Variants in ITGAL observed in about 807,000 individuals in gnomAD.
ITGAL encodes the protein integrin subunit alpha L.
Under a neutral mutation model 138.4 loss-of-function variants are expected in ITGAL, and 68 were observed. The observed-to-expected ratio is 0.49, with a 90% CI of 0.40 to 0.60. The LOEUF (loss-of-function observed/expected upper bound fraction) is 0.60. Among genes scored for constraint, ITGAL ranks in the 20% least tolerant of loss-of-function variants. The pLI is 0.00. For missense variants in ITGAL, 1,256 were observed against 1,478.6 expected, an observed-to-expected ratio of 0.85 and a Z score of 2.47; for synonymous variants, 561 against 584.3, an observed-to-expected ratio of 0.96 and a Z score of 0.57.
At chr16:30,512,916 G>T (rs1439166760) in intron 24 of ITGAL, among the ~76,000 whole-genome samples, 2 of 152,136 alleles carry the variant, frequency 1.3e-5, no homozygotes, top group Non-Finnish European at 2.9e-5. Flanking sequence ...GGCCAGGCAG[G>T]TCTTAAACTC....
intron 6 of ITGAL, among the ~76,000 whole-genome samples, chr16:30,480,007 C>T (rs1236174092): frequency 6.6e-6 from 1 of 151,816 alleles, no homozygotes; most frequent in Non-Finnish European, 1.5e-5. Context: ...CATGGTGGCA[C>T]GATCATAGCT....
intron 24 of ITGAL, among the ~76,000 whole-genome samples, chr16:30,513,133 G>A (rs1054656419): frequency 6.6e-6 from 1 of 152,226 alleles, no homozygotes; most frequent in African/African-American, 2.4e-5. Flanking sequence ...GGGTCTGGAG[G>A]ATGAGGCCAT....
chr16:30,484,182 G>A lies in ITGAL; in HGVS notation c.925G>A (p.Glu309Lys), dbSNP rs1018674527. 6 of 1,614,120 alleles carry A rather than the reference G, an allele frequency of 3.7e-6. No individual in the cohort carries two copies. The highest frequency in any genetic ancestry group is 1.3e-5 in the African/African-American group (1 of 75,022). Residue 309 changes from glutamate (E) to lysine (K), a missense_variant, in exon 9 of 31, where the codon GAG becomes AAG. By Grantham distance (56) the Glu-to-Lys change is moderately conservative. Coordinates refer to ENST00000356798, the MANE Select transcript of ITGAL (RefSeq NM_002209.3). ...CAAATTTGCATCAAAACCCGCGAGC[G>A]AGTTTGTGAAAATTCTGGACACATT... ...LHKFASKPASEFVKILDTFEK... is the reference protein window; with the variant it reads ...LHKFASKPASKFVKILDTFEK...
At chr16:30,479,494 G>C in intron 6 of ITGAL, 33 bp downstream of exon 6, 3 of 1,601,464 alleles carry the variant, frequency 1.9e-6, no homozygotes, top group Non-Finnish European at 2.6e-6. Context: ...TTGGTTGCAT[G>C]CAATAGATGC....
intron 6 of ITGAL, 94 bp from the exon 7 acceptor site, chr16:30,481,345 T>G (rs1187893349): frequency 6.7e-6 from 3 of 448,930 alleles, no homozygotes; most frequent in Non-Finnish European, 7.0e-6. Flanking sequence ...AAACTCCATC[T>G]AAAAAAAAAA....
chr16:30,476,173 C>A (rs961827941), intron 4 of ITGAL, among the ~76,000 whole-genome samples: 1 of 151,920 alleles, frequency 6.6e-6, no homozygotes, highest in Non-Finnish European at 1.5e-5. Flanking sequence ...ATGGTGTGAA[C>A]CCGGGAGGCG....
chr16:30,501,629 T>G (rs1225896199), intron 17 of ITGAL, among the ~76,000 whole-genome samples: 3 of 151,710 alleles, frequency 2.0e-5, no homozygotes, highest in Non-Finnish European at 4.4e-5. Flanking sequence ...TATTCAATCA[T>G]CATGGTATGT....
At chr16:30,500,419 T>G (rs4889496) in intron 17 of ITGAL, among the ~76,000 whole-genome samples, 89,355 of 151,634 alleles carry the variant, frequency 0.59, 27,164 homozygotes, top group East Asian at 0.99. Flanking sequence ...GGGTCTTACT[T>G]TGTTGCCCAG....
At chr16:30,491,155 C>T (rs917592113) in intron 11 of ITGAL, among the ~76,000 whole-genome samples, 2 of 151,466 alleles carry the variant, frequency 1.3e-5, no homozygotes, top group East Asian at 2.0e-4. Context: ...AATCCCAGCA[C>T]TTTGGGAAGC....
intron 13 of ITGAL, among the ~76,000 whole-genome samples, chr16:30,495,475 T>C (rs142469663): frequency 1.6e-3 from 239 of 152,210 alleles, no homozygotes; most frequent in African/African-American, 5.4e-3. Flanking sequence ...GCCAAACTTT[T>C]TATAGATATG....
Position 30,521,776 on chromosome 16 carries a change from C to A in ITGAL, c.*111C>A. The A allele has an allele frequency of 9.5e-7, 1 of 1,049,014 alleles. No individual in the cohort carries two copies. Among genetic ancestry groups the A allele is most frequent in the Non-Finnish European group, 1.4e-6 (1 of 733,180 alleles). 65.0% of individuals were successfully genotyped at this position (1,049,014 alleles called of 1,614,324 possible). On this transcript the variant is annotated 3_prime_UTR_variant, in exon 31 of 31. Transcript: ENST00000356798. Reference sequence around the variant, plus strand: ...CCCTCGGGCGAGTCACTGCCTCTCCCTGGCCCTCAGTTTCCCTATCTCGAA... The same window carrying A: ...CCCTCGGGCGAGTCACTGCCTCTCCATGGCCCTCAGTTTCCCTATCTCGAA...
Position 30,521,774 on chromosome 16 carries a change from C to G in ITGAL, c.*109C>G. The G allele has an allele frequency of 9.5e-7, 1 of 1,050,670 alleles. No homozygotes were observed. Among genetic ancestry groups the G allele is most frequent in the Non-Finnish European group, 1.4e-6 (1 of 734,224 alleles). 65.1% of individuals were successfully genotyped at this position (1,050,670 alleles called of 1,614,324 possible). ...TGCCCTCGGGCGAGTCACTGCCTCT[C>G]CCTGGCCCTCAGTTTCCCTATCTCG... On this transcript the variant is annotated 3_prime_UTR_variant, in exon 31 of 31. Transcript: ENST00000356798.
chr16:30,518,513 C>A (rs1203818634), intron 28 of ITGAL, 111 bp from the exon 29 acceptor site: 3 of 720,750 alleles, frequency 4.2e-6, no homozygotes, highest in Non-Finnish European at 7.6e-6. Context: ...GATGGGTGCA[C>A]CCCCCTGGAA....
At chr16:30,502,396 C>CAA (rs57501055) in intron 17 of ITGAL, among the ~76,000 whole-genome samples, 63 of 80,012 alleles carry the variant, frequency 7.9e-4, no homozygotes, top group Non-Finnish European at 1.0e-3. Context: ...GACTCCATCT[C>CAA]AAAAAAAAAA....
intron 11 of ITGAL, among the ~76,000 whole-genome samples, chr16:30,492,180 A>G (rs1052545655): frequency 7.2e-5 from 11 of 152,124 alleles, no homozygotes; most frequent in Non-Finnish European, 1.6e-4. Flanking sequence ...TTGTCCTGGT[A>G]TCTTAGAGGA....
rs941935202 is a variant in ITGAL at position 30,521,802 on chromosome 16, C to A, written c.*137C>A. On this transcript the variant is annotated 3_prime_UTR_variant, in exon 31 of 31. Transcript: ENST00000356798. ...TGGCCCTCAGTTTCCCTATCTCGAA[C>A]ATGGAACTCATTCCTGCCTGTCTCC... is the stretch of plus-strand genomic sequence containing the variant. 1.6e-5 allele frequency: 13 copies of A among 788,762 alleles called. No homozygotes were observed. In the Admixed American group the frequency reaches 1.7e-4, roughly 11 times the overall value. The allele number at this position is 788,762 out of a possible 1,614,324, so 48.9% of individuals were successfully genotyped here.
rs779978526 is a variant in ITGAL at position 30,510,974 on chromosome 16, G to A, written c.2699+14G>A. On this transcript the variant is annotated intron_variant, in intron 23 of 30. Transcript: ENST00000356798. ...CAATGTGACCTGGTGAGCAGGCCCC[G>A]CCCACATCCCTGCCATGGTCTCAGA... 29 of 1,613,454 alleles carry A rather than the reference G, an allele frequency of 1.8e-5. No individual in the cohort carries two copies. Among genetic ancestry groups the A allele is most frequent in the South Asian group, 2.2e-5 (2 of 91,064 alleles).
rs1239872256 is a variant in ITGAL, at chr16:30,481,565, G to T, written c.703G>T (p.Gly235Cys). The T allele has an allele frequency of 1.9e-6, 3 of 1,613,686 alleles. No homozygotes were observed. The Admixed American group carries it at 5.0e-5, about 27-fold the overall frequency. ...CATGTTGCTGTTGACCAATACCTTTGGTGCCATCAATTATGTCGCGTGAGT... is the reference window on the plus strand; with the variant it reads ...CATGTTGCTGTTGACCAATACCTTTTGTGCCATCAATTATGTCGCGTGAGT... ...KHMLLLTNTF[G>C]AINYVATEVF... The change falls in exon 7 of 31, where the codon GGT becomes TGT. Residue 235 changes from glycine to cysteine, a missense_variant. Around this residue, in one of 3 missense-constraint regions of ITGAL, gnomAD observed 177 missense variants for 288.8 expected, o/e 0.61. Coordinates refer to ENST00000356798, the MANE Select transcript of ITGAL (RefSeq NM_002209.3).
chr16:30,499,733 A>ATATTTT, intron 17 of ITGAL, among the ~76,000 whole-genome samples: 12 of 88,360 alleles, frequency 1.4e-4, no homozygotes, highest in African/African-American at 7.2e-4. Context: ...ATATATATAT[A>ATATTTT]TTTTTTTTTT....
Sources: gnomAD v4.1 joint callset for allele counts (sites outside exome capture counted in the v4.1 genomes callset) on GRCh38, gnomAD v4.1.1 for gene constraint, gnomAD v4.1.1 regional missense constraint, MANE v1.5 for transcripts, NCBI Gene and HGNC (gene_info 2026-07-23, HGNC 2026-07-21) for gene names.